The following CELF2 variants were observed in gnomAD, a reference collection of about 807,000 sequenced individuals.
CELF2 encodes CUG triplet repeat RNA-binding protein 2.
CELF2 carries 8 observed loss-of-function variants against 62.6 expected under a neutral mutation model. The observed-to-expected ratio is 0.13, with a 90% CI of 0.07 to 0.23. The LOEUF (loss-of-function observed/expected upper bound fraction) is 0.23, where lower values mean the gene tolerates loss of function less well. Among genes scored for constraint, CELF2 ranks in the 10% least tolerant of loss-of-function variants. CELF2 has a pLI of 1.00. For synonymous variants in CELF2, 258 were observed against 250.0 expected (o/e 1.03, Z -0.30); for missense variants, 333 against 671.0 (o/e 0.50, Z 5.56).
At chr10:10,466,551 C>T in the CELF2 span, among the ~76,000 whole-genome samples, 2 of 151,996 alleles carry the variant, frequency 1.3e-5, no homozygotes, top group Admixed American at 6.6e-5. Flanking sequence ...AGGTGTTTCT[C>T]TCAGGTAAAC....
chr10:10,861,797 A>T (rs2060059589), intron 1 of CELF2, among the ~76,000 whole-genome samples: 1 of 152,250 alleles, frequency 6.6e-6, no homozygotes, highest in African/African-American at 2.4e-5. Context: ...AAAATTATTC[A>T]TGTCCTTGAG....
chr10:10,700,780 T>C, the CELF2 span, among the ~76,000 whole-genome samples: 1 of 152,240 alleles, frequency 6.6e-6, no homozygotes, highest in Non-Finnish European at 1.5e-5. Context: ...GGCTACTTCT[T>C]CACCTCTCTC....
At chr10:10,696,356 C>T in the CELF2 span, among the ~76,000 whole-genome samples, 47 of 151,742 alleles carry the variant, frequency 3.1e-4, no homozygotes, top group South Asian at 4.3e-4. Context: ...GGCAGTCTGC[C>T]CGTTCTCAGA....
rs142745490 is a variant in CELF2 at position 11,304,610 on chromosome 10, A to T, written c.977-9529A>T. On this transcript the variant is annotated intron_variant, in intron 9 of 12. Coordinates refer to ENST00000633077, the MANE Select transcript of CELF2 (RefSeq NM_001326342.2). ...TGCTTGCTCAGGACGCTCTTCCTCT[A>T]CGTATAAAGCCCTACTTCCACTCCT... Among the ~76,000 whole-genome samples, 648 of 152,230 alleles carry T rather than the reference A, an allele frequency of 4.3e-3. 4 individuals carry two copies. The highest frequency in any genetic ancestry group is 0.015 in the African/African-American group (620 of 41,514).
chr10:10,876,031 A>G (rs2061067898), intron 1 of CELF2, among the ~76,000 whole-genome samples: 1 of 152,214 alleles, frequency 6.6e-6, no homozygotes. Flanking sequence ...AGCCTTGCAT[A>G]TGGCGTTATG....
the CELF2 span, among the ~76,000 whole-genome samples, chr10:10,676,051 G>C: frequency 6.6e-6 from 1 of 152,200 alleles, no homozygotes; most frequent in African/African-American, 2.4e-5. Context: ...ACTGGGAAGA[G>C]GAACTGCTGG....
At chr10:10,725,434 G>T in the CELF2 span, among the ~76,000 whole-genome samples, 2 of 152,168 alleles carry the variant, frequency 1.3e-5, no homozygotes, top group Non-Finnish European at 2.9e-5. Context: ...GAACAAAAAA[G>T]ATTTCTTCAT....
rs1219787486 is a variant in CELF2 at position 11,159,406 on chromosome 10, A to G, written c.75-6080A>G. Among the ~76,000 whole-genome samples the G allele has an allele frequency of 6.6e-6, 1 of 152,238 alleles. No homozygotes were observed. Among genetic ancestry groups the G allele is most frequent in the Non-Finnish European group, 1.5e-5 (1 of 68,042 alleles). On this transcript the variant is annotated intron_variant, in intron 1 of 12. Coordinates refer to ENST00000633077, the MANE Select transcript of CELF2 (RefSeq NM_001326342.2). The surrounding 1 kb of genome is among the most constrained non-coding windows in gnomAD (Gnocchi z 5.0). ...GACGCGTTTTTCATGATGACTGTGA[A>G]GCAGTGCATTTTAAAAGGGAGTTGC...
intron 2 of CELF2, among the ~76,000 whole-genome samples, chr10:10,991,461 G>A (rs570087045): frequency 1.1e-4 from 16 of 152,248 alleles, no homozygotes; most frequent in Non-Finnish European, 1.8e-4. Flanking sequence ...CAGGCTAAGA[G>A]TTGGGAGAGC....
intron 1 of CELF2, among the ~76,000 whole-genome samples, chr10:10,874,092 G>A (rs111575631): frequency 5.9e-5 from 9 of 152,260 alleles, no homozygotes; most frequent in Non-Finnish European, 1.0e-4. Context: ...AGCCAGGCTC[G>A]CTTGAGCCCA....
chr10:11,222,531 G>A (rs1385094924), intron 3 of CELF2, among the ~76,000 whole-genome samples: 2 of 152,108 alleles, frequency 1.3e-5, no homozygotes. Context: ...TGCCATGCGG[G>A]GCACACAAAG....
the CELF2 span, among the ~76,000 whole-genome samples, chr10:10,490,041 A>C: frequency 1.3e-5 from 2 of 152,108 alleles, no homozygotes; most frequent in Non-Finnish European, 2.9e-5. Flanking sequence ...ATTTATCTGA[A>C]ACATCACATT....
intron 1 of CELF2, among the ~76,000 whole-genome samples, chr10:11,138,948 G>T (rs928221489): frequency 4.6e-5 from 7 of 152,120 alleles, no homozygotes; most frequent in African/African-American, 1.7e-4. Flanking sequence ...TGAACTGATG[G>T]GAGTTAATAT....
chr10:10,961,277 A>T (rs1188320871), intron 2 of CELF2, among the ~76,000 whole-genome samples: 4 of 152,220 alleles, frequency 2.6e-5, no homozygotes, highest in African/African-American at 9.6e-5. Flanking sequence ...TTGGCAGAAG[A>T]TTACACTGTG....
chr10:11,160,957 C>T (rs992477785), intron 1 of CELF2, among the ~76,000 whole-genome samples: 2 of 152,136 alleles, frequency 1.3e-5, no homozygotes, highest in Admixed American at 6.5e-5. Context: ...TTTGCATTCT[C>T]CCAAAGGAAG....
chr10:10,977,045 T>C (rs1592644144), intron 2 of CELF2, among the ~76,000 whole-genome samples: 1 of 152,332 alleles, frequency 6.6e-6, no homozygotes, highest in East Asian at 1.9e-4. Context: ...TGCTGGTTAA[T>C]ATCCTTCTGT....
At chr10:11,066,709 G>T (rs1300365335) in intron 1 of CELF2, among the ~76,000 whole-genome samples, 1 of 148,556 alleles carries the variant, frequency 6.7e-6, no homozygotes, top group Non-Finnish European at 1.5e-5. Flanking sequence ...AGGTGTGTCT[G>T]TCGGGGATAA....
chr10:10,559,818 C>T, the CELF2 span, among the ~76,000 whole-genome samples: 1 of 152,220 alleles, frequency 6.6e-6, no homozygotes, highest in Non-Finnish European at 1.5e-5. Flanking sequence ...CTGCTGCATT[C>T]TCCCCATGTG....
At chr10:11,029,013 C>T (rs2059701722) in intron 1 of CELF2, among the ~76,000 whole-genome samples, 1 of 152,150 alleles carries the variant, frequency 6.6e-6, no homozygotes, top group South Asian at 2.1e-4. Flanking sequence ...TGCACCTGGC[C>T]AAGGACACGA....
Sources: gnomAD v4.1 joint callset for allele counts (sites outside exome capture counted in the v4.1 genomes callset) on GRCh38, gnomAD v4.1.1 for gene constraint, Gnocchi (gnomAD v3.1) non-coding constraint, MANE v1.5 for transcripts, NCBI Gene and HGNC (gene_info 2026-07-23, HGNC 2026-07-21) for gene names.